IGSF21: variants seen among roughly 807,000 people sequenced by gnomAD.
IGSF21 encodes immunoglobin superfamily member 21, also known as immunoglobulin superfamily member 21.
IGSF21 carries 28 observed loss-of-function variants against 46.8 expected under a neutral mutation model. The ratio of observed to expected loss-of-function variants is 0.60; its 90% CI spans 0.44 to 0.82. IGSF21 has a LOEUF of 0.82. Among genes scored for constraint, IGSF21 ranks in the 40% least tolerant of loss-of-function variants. The probability of loss-of-function intolerance (pLI) is 0.00; values close to 1 mark genes in which losing one functional copy is unlikely to be tolerated. For missense variants in IGSF21, 624 were observed against 665.5 expected (o/e 0.94, Z 0.69); for synonymous variants, 284 against 273.6 (o/e 1.04, Z -0.38).
At chr1:18,285,820 T>TA (rs2085207433) in intron 2 of IGSF21, among the ~76,000 whole-genome samples, 4 of 152,204 alleles carry the variant, frequency 2.6e-5, no homozygotes, top group Non-Finnish European at 5.9e-5. Context: ...CACTTTCTGT[T>TA]ACGATGACAG....
chr1:18,341,105 TC>T (rs1277802226), intron 4 of IGSF21, among the ~76,000 whole-genome samples: 3 of 145,036 alleles, frequency 2.1e-5, no homozygotes, highest in Non-Finnish European at 3.0e-5. Context: ...CTTCTCCTCC[TC>T]CCCCTCCTTC....
Position 18,109,188 on chromosome 1 carries a change from C to A in IGSF21, c.70+990C>A, listed in dbSNP as rs1177400544. 6.6e-6 allele frequency among the ~76,000 whole-genome samples: 1 copy of A among 151,950 alleles called. No homozygotes were observed. Among genetic ancestry groups the A allele is most frequent in the African/African-American group, 2.4e-5 (1 of 41,366 alleles). On this transcript the variant is annotated intron_variant, in intron 1 of 9. Coordinates refer to ENST00000251296, the MANE Select transcript of IGSF21 (RefSeq NM_032880.5). This position sits in a 1 kb window ranked among gnomAD's most constrained non-coding sequence, Gnocchi z 4.8. Reference sequence around the variant, plus strand: ...TTAAATGGAGCTGAACCCTTTCGCGCAGTGAGCAGAGAGCCAACGTGAGGC... The same window carrying A: ...TTAAATGGAGCTGAACCCTTTCGCGAAGTGAGCAGAGAGCCAACGTGAGGC...
At chr1:18,246,128 C>T (rs2084780987) in intron 2 of IGSF21, among the ~76,000 whole-genome samples, 1 of 152,154 alleles carries the variant, frequency 6.6e-6, no homozygotes, top group Non-Finnish European at 1.5e-5. Flanking sequence ...TTTTGTTTCT[C>T]TTGAGCAGCA....
Position 18,337,224 on chromosome 1 carries a change from T to G in IGSF21, c.424+2214T>G, listed in dbSNP as rs947466245. On this transcript the variant is annotated intron_variant, in intron 4 of 9. Transcript: ENST00000251296. The surrounding 1 kb of genome is among the most constrained non-coding windows in gnomAD (Gnocchi z 5.7). ...GTGATCTCGTGGGACTCACTCAGGT[T>G]GCACAACTGGCCTGATGGTCTCTGC... is the stretch of plus-strand genomic sequence containing the variant. Among the ~76,000 whole-genome samples the G allele has an allele frequency of 1.3e-5, 2 of 152,150 alleles. No individual in the cohort carries two copies. The highest frequency in any genetic ancestry group is 4.1e-4 in the South Asian group (2 of 4,830).
At chr1:18,203,181 C>A (rs972736953) in intron 1 of IGSF21, among the ~76,000 whole-genome samples, 1 of 152,192 alleles carries the variant, frequency 6.6e-6, no homozygotes, top group African/African-American at 2.4e-5. Flanking sequence ...CCTGCTGAGC[C>A]CACTTGTTGC....
intron 1 of IGSF21, among the ~76,000 whole-genome samples, chr1:18,191,211 T>A (rs2086952828): frequency 6.6e-6 from 1 of 152,198 alleles, no homozygotes; most frequent in Non-Finnish European, 1.5e-5. Flanking sequence ...CTTTGCTGTG[T>A]GACCTCAGGC....
chr1:18,253,687 C>A (rs2084863855), intron 2 of IGSF21, among the ~76,000 whole-genome samples: 1 of 152,190 alleles, frequency 6.6e-6, no homozygotes, highest in Admixed American at 6.5e-5. Context: ...GGGGAGGTAG[C>A]ATTTTATCTG....
intron 1 of IGSF21, among the ~76,000 whole-genome samples, chr1:18,136,266 G>T (rs1282353374): frequency 6.6e-6 from 1 of 152,076 alleles, no homozygotes; most frequent in East Asian, 1.9e-4. Context: ...AGTTTAATTA[G>T]ATCCCATTTG....
At chr1:18,169,374 C>T (rs2086712441) in intron 1 of IGSF21, among the ~76,000 whole-genome samples, 1 of 152,298 alleles carries the variant, frequency 6.6e-6, no homozygotes, top group African/African-American at 2.4e-5. Context: ...AGACGAAGCC[C>T]AGGCGTATTT....
Position 18,374,503 on chromosome 1 carries a change from C to T in IGSF21, c.1016-1807C>T, listed in dbSNP as rs995800851. ...GCAAAGAACAGATTAGAACTCAGCT[C>T]GCAGGTATCCCAGGCCAGTGGCCCT... On this transcript the variant is annotated intron_variant, in intron 6 of 9. Transcript: ENST00000251296. Among the ~76,000 whole-genome samples, 3 of 152,006 alleles carry T rather than the reference C, an allele frequency of 2.0e-5. No homozygotes were observed. The East Asian group carries it at 5.8e-4, about 29-fold the overall frequency.
At chr1:18,168,636 T>C (rs537593547) in intron 1 of IGSF21, among the ~76,000 whole-genome samples, 1 of 152,318 alleles carries the variant, frequency 6.6e-6, no homozygotes, top group Admixed American at 6.5e-5. Flanking sequence ...TTACGCCTTA[T>C]GTTGCAAGGG....
chr1:18,374,239 T>A (rs1385197140), intron 6 of IGSF21, among the ~76,000 whole-genome samples: 1 of 152,172 alleles, frequency 6.6e-6, no homozygotes, highest in Admixed American at 6.5e-5. Context: ...CCCAGAAACT[T>A]ACTTGGGCTC....
At chr1:18,327,847 C>T (rs531590992) in intron 3 of IGSF21, among the ~76,000 whole-genome samples, 10 of 152,206 alleles carry the variant, frequency 6.6e-5, no homozygotes, top group Non-Finnish European at 1.2e-4. Context: ...TGTGGAAATG[C>T]TGAGTAGGTA....
intron 1 of IGSF21, among the ~76,000 whole-genome samples, chr1:18,180,027 C>A (rs1028429027): frequency 6.6e-6 from 1 of 152,172 alleles, no homozygotes; most frequent in Non-Finnish European, 1.5e-5. Flanking sequence ...CTCCCTTCTT[C>A]TTGGGTCACC....
chr1:18,176,386 T>A (rs2086797793), intron 1 of IGSF21, among the ~76,000 whole-genome samples: 1 of 152,154 alleles, frequency 6.6e-6, no homozygotes, highest in Admixed American at 6.5e-5. Context: ...CAAACAGACT[T>A]GAATTCCAGT....
intron 3 of IGSF21, among the ~76,000 whole-genome samples, chr1:18,295,034 A>G (rs1482430842): frequency 6.6e-6 from 1 of 152,232 alleles, no homozygotes; most frequent in East Asian, 1.9e-4. Flanking sequence ...GACTGAGAAG[A>G]TTACCAAGAA....
At chr1:18,190,351 C>A (rs928058356) in intron 1 of IGSF21, among the ~76,000 whole-genome samples, 1 of 152,240 alleles carries the variant, frequency 6.6e-6, no homozygotes, top group African/African-American at 2.4e-5. Context: ...ATAGTTGTCC[C>A]TCTGCCCCTC....
chr1:18,305,195 G>GATGA (rs1167446652), intron 3 of IGSF21, among the ~76,000 whole-genome samples: 71 of 151,660 alleles, frequency 4.7e-4, no homozygotes, highest in Non-Finnish European at 8.1e-4. Context: ...TGGATGGATG[G>GATGA]ATGGATGGAT....
intron 3 of IGSF21, among the ~76,000 whole-genome samples, chr1:18,330,537 AG>A (rs2085701789): frequency 2.0e-5 from 3 of 149,536 alleles, no homozygotes; most frequent in African/African-American, 7.6e-5. Flanking sequence ...GGAAGGTGGG[AG>A]ACATGGCTGG....
Sources: allele counts gnomAD v4.1 joint callset (sites outside exome capture counted in the v4.1 genomes callset), GRCh38; gene constraint gnomAD v4.1.1; non-coding constraint Gnocchi (gnomAD v3.1); transcripts MANE v1.5; gene names NCBI Gene and HGNC (gene_info 2026-07-23, HGNC 2026-07-21).